PAM: variants seen among roughly 807,000 people sequenced by gnomAD.
PAM encodes peptidyl-glycine alpha-amidating monooxygenase.
PAM carries 72 observed loss-of-function variants against 122.1 expected under a neutral mutation model. The ratio of observed to expected loss-of-function variants is 0.59; its 90% CI spans 0.49 to 0.72. The LOEUF is 0.72. PAM is among the 30% of genes least tolerant of loss of function. The pLI, the probability that PAM is intolerant of heterozygous loss-of-function variation, is 0.00. For synonymous variants in PAM, 389 were observed against 404.4 expected (o/e 0.96, Z 0.46); for missense variants, 1,106 against 1,183.7 (o/e 0.93, Z 0.96).
intron 15 of PAM, among the ~76,000 whole-genome samples, chr5:102,983,960 C>T (rs1246076086): frequency 6.6e-6 from 1 of 152,178 alleles, no homozygotes; most frequent in Non-Finnish European, 1.5e-5. Flanking sequence ...ACAAGCAAAA[C>T]TTGAGGGAAT....
intron 14 of PAM, among the ~76,000 whole-genome samples, chr5:102,970,179 T>A (rs1399043409): frequency 6.6e-6 from 1 of 152,146 alleles, no homozygotes. Flanking sequence ...GGGAAAAGGA[T>A]GTAAGGAAGA....
chr5:102,997,542 ACT>A (rs1776114650), intron 16 of PAM, among the ~76,000 whole-genome samples: 1 of 151,506 alleles, frequency 6.6e-6, no homozygotes, highest in South Asian at 2.1e-4. Context: ...TGATTTACTT[ACT>A]CTGTCTTATT....
chr5:102,988,318 T>C (rs141881307), intron 15 of PAM, among the ~76,000 whole-genome samples: 1,897 of 152,076 alleles, frequency 0.012, 12 homozygotes, highest in Middle Eastern at 0.027. Flanking sequence ...AAGTAGACCT[T>C]AATCCTACCC....
chr5:102,965,266 G>A (rs1763743046), intron 14 of PAM, among the ~76,000 whole-genome samples: 2 of 150,662 alleles, frequency 1.3e-5, no homozygotes, highest in South Asian at 4.2e-4. Flanking sequence ...TATTTCTTAT[G>A]CATTATAATT....
At chr5:102,951,676 G>T (rs554399605) in intron 12 of PAM, among the ~76,000 whole-genome samples, 1 of 152,172 alleles carries the variant, frequency 6.6e-6, no homozygotes, top group Non-Finnish European at 1.5e-5. Flanking sequence ...ACTAAGGCAG[G>T]TTTAAAAAGG....
chr5:102,782,717 C>T (rs1416257332), intron 1 of PAM, among the ~76,000 whole-genome samples: 2 of 146,766 alleles, frequency 1.4e-5, no homozygotes, highest in East Asian at 4.0e-4. Context: ...CTCTCTCTCT[C>T]TCTCTCTCTG....
chr5:102,837,628 A>G (rs1777455377), intron 1 of PAM: 1 of 152,236 alleles, frequency 6.6e-6, no homozygotes, highest in African/African-American at 2.4e-5. Flanking sequence ...GTAAAATTTA[A>G]AAGGTACATT....
At chr5:102,985,829 A>G (rs1456778331) in intron 15 of PAM, among the ~76,000 whole-genome samples, 3 of 152,204 alleles carry the variant, frequency 2.0e-5, no homozygotes, top group African/African-American at 7.2e-5. Flanking sequence ...ATGAACATAA[A>G]TGCAAAATCC....
chr5:102,879,224 A>G (rs553045195), intron 3 of PAM, among the ~76,000 whole-genome samples: 6 of 152,114 alleles, frequency 3.9e-5, no homozygotes, highest in African/African-American at 1.4e-4. Context: ...GAGCCACCAC[A>G]CCCAACCAGA....
chr5:102,989,535 T>C (rs1320674608), intron 15 of PAM, among the ~76,000 whole-genome samples: 1 of 152,108 alleles, frequency 6.6e-6, no homozygotes, highest in Non-Finnish European at 1.5e-5. Flanking sequence ...AACCCAGATA[T>C]TCTCTGAAGA....
At chr5:102,822,144 A>G (rs1232955778) in intron 1 of PAM, among the ~76,000 whole-genome samples, 4 of 152,244 alleles carry the variant, frequency 2.6e-5, no homozygotes, top group Admixed American at 1.3e-4. Context: ...AAACCAAATA[A>G]TAACGATTAT....
intron 1 of PAM, among the ~76,000 whole-genome samples, chr5:102,794,042 T>C (rs1264928642): frequency 6.6e-6 from 1 of 152,220 alleles, no homozygotes; most frequent in Non-Finnish European, 1.5e-5. Context: ...TTAACACTTT[T>C]GAATTTATAT....
chr5:102,901,414 G>T lies in PAM; in HGVS notation c.268+1G>T. On this transcript the variant is annotated splice_donor_variant, in intron 4 of 25. Coordinates refer to ENST00000438793, the MANE Select transcript of PAM (RefSeq NM_001177306.2). LOFTEE classifies it high-confidence loss of function. ...CCAGTGGATGAGGAAGCCTTCGTGAGTAAGTATTAATTGGATTGGGGGAGT... is the reference window on the plus strand; with the variant it reads ...CCAGTGGATGAGGAAGCCTTCGTGATTAAGTATTAATTGGATTGGGGGAGT... 6.5e-7 allele frequency: 1 copy of T among 1,536,090 alleles called. No homozygotes were observed. Among genetic ancestry groups the T allele is most frequent in the East Asian group, 2.3e-5 (1 of 44,310 alleles).
intron 1 of PAM, among the ~76,000 whole-genome samples, chr5:102,833,856 C>T (rs1400219647): frequency 6.6e-6 from 1 of 152,002 alleles, no homozygotes; most frequent in Non-Finnish European, 1.5e-5. Context: ...CTACATTGGG[C>T]TATTTTTGAC....
intron 22 of PAM, among the ~76,000 whole-genome samples, chr5:103,018,001 G>T (rs1339276701): frequency 1.3e-5 from 2 of 152,164 alleles, no homozygotes; most frequent in Non-Finnish European, 2.9e-5. Flanking sequence ...TAGTTTTGGA[G>T]TTTTCTAATT....
At chr5:102,940,380 A>C (rs1390431674) in intron 7 of PAM, among the ~76,000 whole-genome samples, 1 of 150,392 alleles carries the variant, frequency 6.6e-6, no homozygotes, top group African/African-American at 2.5e-5. Context: ...GGAAAAACAG[A>C]TAATAATTGG....
chr5:102,904,047 C>T (rs987558435), intron 4 of PAM, among the ~76,000 whole-genome samples: 4 of 151,582 alleles, frequency 2.6e-5, no homozygotes, highest in Middle Eastern at 3.4e-3. Flanking sequence ...GGGAGAGTGA[C>T]CATACATAGC....
Position 103,017,378 on chromosome 5 carries a change from T to A in PAM, c.2376T>A (p.Thr792=). ...PHDIVASEDG[T]VYIGDAHTNT... is the part of the protein sequence containing the mutation. ...ATATTGTTGCATCTGAAGATGGGAC[T>A]GTGTACATTGGAGATGCTCATACCA... The change falls in exon 22 of 26, where the codon ACT becomes ACA. Residue 792 remains threonine, a synonymous_variant. Coordinates refer to ENST00000438793, the MANE Select transcript of PAM (RefSeq NM_001177306.2). 1 of 1,612,850 alleles carries A rather than the reference T, an allele frequency of 6.2e-7. No homozygotes were observed. Among genetic ancestry groups the A allele is most frequent in the South Asian group, 1.1e-5 (1 of 90,996 alleles).
chr5:102,849,823 A>G (rs184519939), intron 1 of PAM, among the ~76,000 whole-genome samples: 67 of 152,280 alleles, frequency 4.4e-4, no homozygotes, highest in African/African-American at 1.6e-3. Context: ...CGGGAAAATG[A>G]ATGTCAGTAC....
Sources: gnomAD v4.1 joint callset for allele counts (sites outside exome capture counted in the v4.1 genomes callset) on GRCh38, gnomAD v4.1.1 for gene constraint, MANE v1.5 for transcripts, NCBI Gene and HGNC (gene_info 2026-07-23, HGNC 2026-07-21) for gene names.